RAB27B: variants seen among roughly 807,000 people sequenced by gnomAD.
RAB27B encodes RAB27B, member RAS oncogene family.
A neutral mutation model predicts 24.6 loss-of-function variants in RAB27B; 15 were observed. The observed-to-expected ratio is 0.61, with a 90% CI of 0.41 to 0.94. RAB27B has a LOEUF of 0.94. RAB27B is among the 40% of genes least tolerant of loss of function. The pLI is 0.00. For missense variants in RAB27B, 261 were observed against 266.8 expected (o/e 0.98, Z 0.15); for synonymous variants, 105 against 92.5 (o/e 1.14, Z -0.78).
chr18:54,820,015 A>G (rs1281230693), intron 2 of RAB27B, among the ~76,000 whole-genome samples: 1 of 152,116 alleles, frequency 6.6e-6, no homozygotes, highest in Admixed American at 6.5e-5. Flanking sequence ...AAGCCAGTCT[A>G]TCATTGTTGG....
At chr18:54,728,903 C>CAAAAAACAAA (rs1909635136) in intron 2 of RAB27B, among the ~76,000 whole-genome samples, 1 of 68,254 alleles carries the variant, frequency 1.5e-5, no homozygotes. Flanking sequence ...AAAAAAAACC[C>CAAAAAACAAA]AAAAAAAAAA....
At chr18:54,733,221 A>C (rs570198011) in intron 2 of RAB27B, among the ~76,000 whole-genome samples, 29 of 151,874 alleles carry the variant, frequency 1.9e-4, no homozygotes, top group African/African-American at 6.8e-4. Context: ...AATTTTTAAA[A>C]ATCTTTTTTA....
intron 2 of RAB27B, among the ~76,000 whole-genome samples, chr18:54,734,573 G>A (rs1909834129): frequency 6.6e-6 from 1 of 152,112 alleles, no homozygotes; most frequent in Non-Finnish European, 1.5e-5. Context: ...TGTTTTCTCT[G>A]AAGGTAAGAT....
At chr18:54,731,037 G>A (rs1909714876) in intron 2 of RAB27B, among the ~76,000 whole-genome samples, 1 of 151,984 alleles carries the variant, frequency 6.6e-6, no homozygotes. Flanking sequence ...TTGGCAATAA[G>A]GATTTTAGGA....
Position 54,778,421 on chromosome 18 carries a change from G to A in RAB27B, c.-20+60280G>A, listed in dbSNP as rs558591662. 1.6e-4 allele frequency among the ~76,000 whole-genome samples: 24 copies of A among 152,240 alleles called. 1 individual carries two copies. The East Asian group carries it at 4.6e-3, about 29-fold the overall frequency. On this transcript the variant is annotated intron_variant, in intron 2 of 4. Coordinates refer to the RAB27B transcript ENST00000586570. Reference sequence around the variant, plus strand: ...CATTCAAATCTGCCTCTGACACTTGGGTTAATTAATTAGCCCTGTGAACCT... The same window carrying A: ...CATTCAAATCTGCCTCTGACACTTGAGTTAATTAATTAGCCCTGTGAACCT...
chr18:54,801,212 A>G (rs1909599729), intron 2 of RAB27B, among the ~76,000 whole-genome samples: 1 of 151,380 alleles, frequency 6.6e-6, no homozygotes, highest in Non-Finnish European at 1.5e-5. Flanking sequence ...GGGGTTTTTT[A>G]CCATGTTGGC....
chr18:54,779,826 A>G (rs1310706105), intron 2 of RAB27B, among the ~76,000 whole-genome samples: 1 of 152,176 alleles, frequency 6.6e-6, no homozygotes, highest in Non-Finnish European at 1.5e-5. Flanking sequence ...TGGAAATCCA[A>G]GGCAAGATGG....
chr18:54,761,293 T>G (rs1908181338), intron 2 of RAB27B, among the ~76,000 whole-genome samples: 1 of 152,126 alleles, frequency 6.6e-6, no homozygotes, highest in Admixed American at 6.5e-5. Flanking sequence ...AAAAGAAATA[T>G]TTTCACTCAA....
intron 2 of RAB27B, among the ~76,000 whole-genome samples, chr18:54,758,961 A>G (rs1038411214): frequency 2.0e-5 from 3 of 152,240 alleles, no homozygotes; most frequent in Admixed American, 6.5e-5. Context: ...AAATTGTATA[A>G]TTAGCACAAA....
intron 2 of RAB27B, among the ~76,000 whole-genome samples, chr18:54,778,852 T>C (rs1432475358): frequency 2.0e-5 from 3 of 151,936 alleles, no homozygotes; most frequent in Non-Finnish European, 4.4e-5. Context: ...TCCTTTTTTT[T>C]TTTTTCTTAG....
At chr18:54,795,412 A>T (rs1004799312) in intron 2 of RAB27B, among the ~76,000 whole-genome samples, 5 of 152,216 alleles carry the variant, frequency 3.3e-5, no homozygotes, top group African/African-American at 1.2e-4. Context: ...TATCACCAAG[A>T]AAGGCTTTGA....
rs148812325 is a variant in RAB27B, at chr18:54,867,256, C to T, written c.-19-10311C>T. 7.7e-3 allele frequency among the ~76,000 whole-genome samples: 1,170 copies of T among 152,116 alleles called. 17 individuals carry two copies. Among genetic ancestry groups the T allele is most frequent in the Middle Eastern group, 0.01 (3 of 294 alleles). ...GGTACCTCTAAATTCTTATCTCTGA[C>T]CACCAGATTGAGCCAATTAGGTGTG... On this transcript the variant is annotated intron_variant, in intron 1 of 5. Transcript: ENST00000262094.
rs142804292 is a variant in RAB27B at position 54,797,228 on chromosome 18, C to T, written c.-20+79087C>T. On this transcript the variant is annotated intron_variant, in intron 2 of 4. Coordinates refer to the RAB27B transcript ENST00000586570. The stretch of plus-strand genomic sequence containing the variant: ...ACATCTCTTAAAATGCAAAAGTGGC[C>T]GGACACAGTGGCCCATGCCTGTAAG... 2.5e-3 allele frequency among the ~76,000 whole-genome samples: 386 copies of T among 152,224 alleles called. 1 individual carries two copies. Among genetic ancestry groups the T allele is most frequent in the South Asian group, 0.011 (53 of 4,822 alleles).
chr18:54,752,971 A>C lies in RAB27B; in HGVS notation c.-20+34830A>C, dbSNP rs529073017. Among the ~76,000 whole-genome samples, 18 of 152,312 alleles carry C rather than the reference A, an allele frequency of 1.2e-4. No homozygotes were observed. In the South Asian group the frequency reaches 3.7e-3, roughly 32 times the overall value. ...GGAAGTGATATAGAGGAGGAAAGTC[A>C]GGAAAGACACCCCAAGGTCTAGCTT... On this transcript the variant is annotated intron_variant, in intron 2 of 4. Transcript: ENST00000586570.
intron 2 of RAB27B, among the ~76,000 whole-genome samples, chr18:54,762,357 T>C (rs573437276): frequency 1.3e-5 from 2 of 152,284 alleles, no homozygotes; most frequent in Non-Finnish European, 2.9e-5. Context: ...GCCTGGCTAA[T>C]TTTTGAATTT....
At chr18:54,860,079 G>C (rs1389714508) in intron 1 of RAB27B, among the ~76,000 whole-genome samples, 1 of 152,076 alleles carries the variant, frequency 6.6e-6, no homozygotes, top group African/African-American at 2.4e-5. Flanking sequence ...TGTTACATTG[G>C]GTACTTGTCA....
At position 54,726,251 on chromosome 18, in the gene RAB27B, G is replaced by A. The variant is rs561801707; in HGVS notation, c.-20+8110G>A. Reference sequence around the variant, plus strand: ...GTATCATAAATCTGAGGGTTGCAAAGTATATTTAGTATTCCAGTTTAAGTT... The same window carrying A: ...GTATCATAAATCTGAGGGTTGCAAAATATATTTAGTATTCCAGTTTAAGTT... On this transcript the variant is annotated intron_variant, in intron 2 of 4. Transcript: ENST00000586570. 3.3e-5 allele frequency among the ~76,000 whole-genome samples: 5 copies of A among 151,634 alleles called. No individual in the cohort carries two copies. The East Asian group carries it at 5.8e-4, about 18-fold the overall frequency.
chr18:54,798,340 A>G (rs1909489396), intron 2 of RAB27B, among the ~76,000 whole-genome samples: 1 of 152,246 alleles, frequency 6.6e-6, no homozygotes. Context: ...ATAGAGGGCG[A>G]GGGCTTGAAG....
chr18:54,815,182 A>C (rs1270350149), intron 2 of RAB27B, among the ~76,000 whole-genome samples: 1 of 152,200 alleles, frequency 6.6e-6, no homozygotes, highest in East Asian at 1.9e-4. Context: ...TTCTCATTGA[A>C]AATGCATGGA....
Sources: allele counts gnomAD v4.1 joint callset (sites outside exome capture counted in the v4.1 genomes callset), GRCh38; gene constraint gnomAD v4.1.1; transcripts MANE v1.5; gene names NCBI Gene and HGNC (gene_info 2026-07-23, HGNC 2026-07-21).